The following PDE4D variants were observed in gnomAD, a reference collection of about 807,000 sequenced individuals.
PDE4D encodes 3',5'-cyclic-AMP phosphodiesterase 4D.
PDE4D carries 24 observed loss-of-function variants against 87.4 expected under a neutral mutation model. The ratio of observed to expected loss-of-function variants is 0.27; its 90% CI spans 0.20 to 0.39. PDE4D has a LOEUF of 0.39. Among genes scored for constraint, PDE4D ranks in the 10% least tolerant of loss-of-function variants. The pLI is 1.00. For synonymous variants in PDE4D, 384 were observed against 383.2 expected (o/e 1.00, Z -0.02); for missense variants, 714 against 1,041.0 (o/e 0.69, Z 4.32).
chr5:59,974,458 G>A, intron 3 of PDE4D, among the ~76,000 whole-genome samples: 1 of 152,052 alleles, frequency 6.6e-6, no homozygotes, highest in South Asian at 2.1e-4. Context: ...TAATAAATCT[G>A]GGAAACAGCT....
intron 1 of PDE4D, among the ~76,000 whole-genome samples, chr5:59,390,864 T>A (rs910295633): frequency 6.6e-6 from 1 of 152,114 alleles, no homozygotes; most frequent in Non-Finnish European, 1.5e-5. Flanking sequence ...TAAAAGTCAC[T>A]CCAAGAGGAA....
chr5:59,380,403 A>T (rs1215569043), intron 1 of PDE4D, among the ~76,000 whole-genome samples: 1 of 150,164 alleles, frequency 6.7e-6, no homozygotes, highest in African/African-American at 2.4e-5. Flanking sequence ...AAAAAAAAAA[A>T]AAAGAGAGAG....
intron 1 of PDE4D, among the ~76,000 whole-genome samples, chr5:60,330,908 A>G (rs1056788179): frequency 2.0e-5 from 3 of 152,220 alleles, no homozygotes; most frequent in Non-Finnish European, 4.4e-5. Context: ...ATGGATCAGG[A>G]GTGAACTGTC....
chr5:60,312,500 C>T (rs1283301691), intron 1 of PDE4D, among the ~76,000 whole-genome samples: 1 of 152,132 alleles, frequency 6.6e-6, no homozygotes, highest in Non-Finnish European at 1.5e-5. Context: ...AGGAAACTTA[C>T]AATCATGGCA....
intron 2 of PDE4D, among the ~76,000 whole-genome samples, chr5:60,160,337 C>T (rs1300290322): frequency 1.3e-5 from 2 of 152,058 alleles, no homozygotes; most frequent in South Asian, 2.1e-4. Flanking sequence ...CACTAACTCC[C>T]GTGATTTTCA....
chr5:59,710,520 C>T (rs940652595), intron 1 of PDE4D, among the ~76,000 whole-genome samples: 3 of 152,018 alleles, frequency 2.0e-5, no homozygotes, highest in Non-Finnish European at 4.4e-5. Context: ...TCCTTGTTCT[C>T]ATAACAGGGA....
chr5:59,148,677 A>G (rs1779012255), intron 5 of PDE4D, among the ~76,000 whole-genome samples: 1 of 152,198 alleles, frequency 6.6e-6, no homozygotes, highest in African/African-American at 2.4e-5. Context: ...ACTTTTAAAT[A>G]GGAACTCCGT....
In PDE4D at chr5:59,044,557, G is replaced by A. The variant is rs540349640; in HGVS notation, c.809-5586C>T. 5.9e-5 allele frequency among the ~76,000 whole-genome samples: 9 copies of A among 152,282 alleles called. No homozygotes were observed. In the South Asian group the frequency reaches 1.7e-3, roughly 28 times the overall value. ...TAGTTTGCTACAGTAAAAGATTTGT[G>A]TAGGTTAGGTCTAACTTTTGCTGAC... On this transcript the variant is annotated intron_variant, in intron 5 of 14. Transcript: ENST00000340635.
intron 2 of PDE4D, among the ~76,000 whole-genome samples, chr5:60,100,400 C>A (rs1776099068): frequency 6.6e-6 from 1 of 151,506 alleles, no homozygotes; most frequent in Non-Finnish European, 1.5e-5. Flanking sequence ...ATTTTACCTA[C>A]CCTCAAAAAT....
chr5:60,048,594 G>A (rs909263865), intron 2 of PDE4D, among the ~76,000 whole-genome samples: 12 of 152,000 alleles, frequency 7.9e-5, no homozygotes, highest in African/African-American at 2.9e-4. Flanking sequence ...TTGCTTGTCT[G>A]TAAAGGATTT....
intron 1 of PDE4D, among the ~76,000 whole-genome samples, chr5:59,219,050 G>A (rs1288357456): frequency 5.5e-5 from 6 of 109,780 alleles, no homozygotes; most frequent in Admixed American, 1.1e-4. Flanking sequence ...GTTGTGGGGT[G>A]GGGGGAGGGG....
intron 2 of PDE4D, among the ~76,000 whole-genome samples, chr5:60,170,006 G>C (rs1475864455): frequency 1.3e-5 from 2 of 151,820 alleles, no homozygotes; most frequent in African/African-American, 4.8e-5. Context: ...TCTGTACTCT[G>C]CATTTTTCTT....
At chr5:59,516,069 T>G (rs551301213) in intron 1 of PDE4D, among the ~76,000 whole-genome samples, 1 of 152,336 alleles carries the variant, frequency 6.6e-6, no homozygotes, top group South Asian at 2.1e-4. Flanking sequence ...TCATGAACTA[T>G]ATGATAGAAT....
intron 1 of PDE4D, among the ~76,000 whole-genome samples, chr5:60,221,843 C>T (rs1041274672): frequency 1.3e-5 from 2 of 152,100 alleles, no homozygotes; most frequent in African/African-American, 4.8e-5. Flanking sequence ...TTTATCCAGA[C>T]TCCTGTGAAC....
chr5:59,441,396 C>T (rs1797595059), intron 1 of PDE4D, among the ~76,000 whole-genome samples: 1 of 152,302 alleles, frequency 6.6e-6, no homozygotes, highest in Non-Finnish European at 1.5e-5. Flanking sequence ...TGCACCTGGC[C>T]CTGAATCTTT....
chr5:60,318,917 A>T (rs970304960), intron 1 of PDE4D, among the ~76,000 whole-genome samples: 3 of 151,812 alleles, frequency 2.0e-5, no homozygotes, highest in Non-Finnish European at 4.4e-5. Flanking sequence ...TGCCCTTAAC[A>T]TTTTTTCCTT....
intron 1 of PDE4D, among the ~76,000 whole-genome samples, chr5:59,486,683 G>A (rs1290101144): frequency 6.6e-6 from 1 of 152,146 alleles, no homozygotes; most frequent in Non-Finnish European, 1.5e-5. Context: ...GAGTGGAGCT[G>A]AGGTTTAAAG....
At chr5:59,150,016 G>A (rs950026243) in intron 5 of PDE4D, among the ~76,000 whole-genome samples, 1 of 152,156 alleles carries the variant, frequency 6.6e-6, no homozygotes, top group Admixed American at 6.5e-5. Context: ...AAATGGAGCA[G>A]AAACTTAATG....
At chr5:59,409,551 T>C (rs981404478) in intron 1 of PDE4D, among the ~76,000 whole-genome samples, 4 of 152,098 alleles carry the variant, frequency 2.6e-5, no homozygotes, top group African/African-American at 9.7e-5. Flanking sequence ...GAGATCTAGT[T>C]GTTTAAAAGT....
Sources: allele counts gnomAD v4.1 joint callset (sites outside exome capture counted in the v4.1 genomes callset), GRCh38; gene constraint gnomAD v4.1.1; transcripts MANE v1.5; gene names NCBI Gene and HGNC (gene_info 2026-07-23, HGNC 2026-07-21).